Variants in KMT2C observed in about 807,000 individuals in gnomAD.
KMT2C encodes the protein lysine methyltransferase 2C.
In KMT2C, 88 loss-of-function variants were observed where a neutral mutation model predicts 507.9. That is an observed-to-expected ratio of 0.17 (90% CI 0.15 to 0.21). KMT2C has a LOEUF of 0.21. Among genes scored for constraint, KMT2C ranks in the 10% least tolerant of loss-of-function variants. KMT2C has a pLI of 1.00. For synonymous variants in KMT2C, 2,049 were observed against 2,080.8 expected (o/e 0.98, Z 0.42); for missense variants, 4,954 against 5,957.8 (o/e 0.83, Z 5.55).
At chr7:152,384,404 T>C (rs62495497) in intron 1 of KMT2C, among the ~76,000 whole-genome samples, 1,228 of 132,510 alleles carry the variant, frequency 9.3e-3, no homozygotes, top group South Asian at 0.027. Flanking sequence ...TTGCACATGC[T>C]GCTCCCTCTG....
chr7:152,386,810 AGTATAAAGAAAGTCAT>A (rs1033480326), intron 1 of KMT2C, among the ~76,000 whole-genome samples: 5 of 152,238 alleles, frequency 3.3e-5, no homozygotes, highest in Non-Finnish European at 7.3e-5. Flanking sequence ...AGGAAACTGA[AGTATAAAGAAAGTCAT>A]GGTCAATTAC....
intron 1 of KMT2C, among the ~76,000 whole-genome samples, chr7:152,405,261 C>CTTTTTTTTTTTTTTTTTTTTTT (rs5888467): frequency 6.6e-6 from 1 of 151,976 alleles, no homozygotes. Context: ...TTTAACTTCA[C>CTTTTTTTTTTTTTTTTTTTTTT]TTTTTTTTTT....
chr7:152,315,080 G>A (rs2129202304), intron 4 of KMT2C, 58 bp downstream of exon 4: 1 of 1,374,048 alleles, frequency 7.3e-7, no homozygotes, highest in South Asian at 1.2e-5. Flanking sequence ...ACATTATAAT[G>A]GAAATAAATT....
At chr7:152,280,211 A>C (rs1043512610) in intron 6 of KMT2C, among the ~76,000 whole-genome samples, 1 of 152,174 alleles carries the variant, frequency 6.6e-6, no homozygotes, top group African/African-American at 2.4e-5. Context: ...AGTGGCCTCT[A>C]GGAACTGAGA....
Position 152,136,717 on chromosome 7 carries a change from C to G in KMT2C, c.*115G>C. On this transcript the variant is annotated 3_prime_UTR_variant, in exon 59 of 59. Transcript: ENST00000262189. ...AAATCAGAACTCCCAGAAGCTTTTT[C>G]AAAAAGTCATAAAACAGAAAACAAA... 1 of 759,412 alleles carries G rather than the reference C, an allele frequency of 1.3e-6. No homozygotes were observed. Among genetic ancestry groups the G allele is most frequent in the Non-Finnish European group, 2.2e-6 (1 of 448,334 alleles). 47.0% of individuals were successfully genotyped at this position (759,412 alleles called of 1,614,324 possible).
At chr7:152,364,337 G>T (rs963192155) in intron 1 of KMT2C, among the ~76,000 whole-genome samples, 1 of 152,206 alleles carries the variant, frequency 6.6e-6, no homozygotes, top group African/African-American at 2.4e-5. Flanking sequence ...GCCGGGTGTG[G>T]TGGCTCACGC....
At chr7:152,400,021 A>G (rs1349936237) in intron 1 of KMT2C, among the ~76,000 whole-genome samples, 13 of 152,106 alleles carry the variant, frequency 8.5e-5, no homozygotes, top group Admixed American at 8.5e-4. Context: ...AGAAAAGATC[A>G]CTAGAGGCCG....
At chr7:152,341,706 A>G (rs1397715461) in intron 2 of KMT2C, among the ~76,000 whole-genome samples, 1 of 152,196 alleles carries the variant, frequency 6.6e-6, no homozygotes, top group Non-Finnish European at 1.5e-5. Context: ...CCAAAGAAAA[A>G]CCTGATACTT....
At chr7:152,275,189 G>T (rs1259067194) in intron 6 of KMT2C, among the ~76,000 whole-genome samples, 1 of 152,154 alleles carries the variant, frequency 6.6e-6, no homozygotes, top group African/African-American at 2.4e-5. Context: ...CTACTGCACT[G>T]AATCAACATA....
At chr7:152,345,613 C>T (rs2097050871) in intron 2 of KMT2C, among the ~76,000 whole-genome samples, 2 of 152,162 alleles carry the variant, frequency 1.3e-5, no homozygotes, top group South Asian at 4.2e-4. Context: ...CAACCTCCAC[C>T]TCCTGGATTC....
At chr7:152,255,124 T>TAC (rs2095631084) in intron 9 of KMT2C, among the ~76,000 whole-genome samples, 16 of 113,196 alleles carry the variant, frequency 1.4e-4, no homozygotes, top group African/African-American at 7.2e-4. Flanking sequence ...TATATATATA[T>TAC]ATATATATAT....
At chr7:152,171,042 TTTTTGG>T in intron 40 of KMT2C, among the ~76,000 whole-genome samples, 3 of 152,344 alleles carry the variant, frequency 2.0e-5, no homozygotes, top group Middle Eastern at 6.8e-3. Flanking sequence ...GTAAAGTGTC[TTTTTGG>T]TTACTTTTGG....
At chr7:152,231,654 G>A (rs1321818045) in intron 16 of KMT2C, among the ~76,000 whole-genome samples, 10 of 152,116 alleles carry the variant, frequency 6.6e-5, no homozygotes, top group East Asian at 3.9e-4. Context: ...GGTGGCACAC[G>A]CCTGTAGTCT....
intron 7 of KMT2C, among the ~76,000 whole-genome samples, chr7:152,270,967 G>A (rs867386790): frequency 6.6e-6 from 1 of 151,976 alleles, no homozygotes; most frequent in Non-Finnish European, 1.5e-5. Context: ...TCCTAACTCA[G>A]TCAACTATCA....
chr7:152,250,218 G>T (rs1294988143), intron 12 of KMT2C, among the ~76,000 whole-genome samples: 1 of 152,112 alleles, frequency 6.6e-6, no homozygotes, highest in Non-Finnish European at 1.5e-5. Flanking sequence ...TTTAATGAGA[G>T]TTATTATACG....
chr7:152,169,199 A>G lies in KMT2C; in HGVS notation c.9504T>C (p.Gly3168=), dbSNP rs2092855018. The change falls in exon 41 of 59, where the codon GGT becomes GGC. Residue 3168 remains glycine (G), a synonymous_variant. Transcript: ENST00000262189. The stretch of plus-strand genomic sequence containing the variant: ...ATTTATACTTACTGACAAAGCCTGG[A>G]CCAAAATTTGGAGGATTAGGCCTAG... ...QISRPNPPNF[G]PGFVNDSQRK... 8.8e-6 allele frequency: 14 copies of G among 1,597,600 alleles called. No homozygotes were observed. The highest frequency in any genetic ancestry group is 1.2e-5 in the Non-Finnish European group (14 of 1,165,204).
intron 2 of KMT2C, among the ~76,000 whole-genome samples, chr7:152,354,079 G>T (rs554496697): frequency 2.0e-5 from 3 of 152,054 alleles, no homozygotes; most frequent in African/African-American, 7.2e-5. Context: ...GACTTTCCAA[G>T]GACAAAGACA....
chr7:152,233,599 A>T (rs2095189518), intron 16 of KMT2C, among the ~76,000 whole-genome samples: 1 of 152,230 alleles, frequency 6.6e-6, no homozygotes, highest in Non-Finnish European at 1.5e-5. Context: ...AATAAGATTG[A>T]TAAATCTCTA....
chr7:152,254,194 T>C (rs1350653282), intron 9 of KMT2C, among the ~76,000 whole-genome samples: 1 of 151,870 alleles, frequency 6.6e-6, no homozygotes, highest in African/African-American at 2.4e-5. Context: ...GGCAGAAGGA[T>C]CTCTTGAGCC....
Sources: gnomAD v4.1 joint callset for allele counts (sites outside exome capture counted in the v4.1 genomes callset) on GRCh38, gnomAD v4.1.1 for gene constraint, MANE v1.5 for transcripts, NCBI Gene and HGNC (gene_info 2026-07-23, HGNC 2026-07-21) for gene names.